Variants in MDGA1 observed in about 807,000 individuals in gnomAD.
The protein encoded by MDGA1 is MAM domain-containing glycosylphosphatidylinositol anchor protein 1.
Under a neutral mutation model 101.5 loss-of-function variants are expected in MDGA1, and 54 were observed. The observed-to-expected ratio is 0.53, with a 90% confidence interval of 0.43 to 0.67. The LOEUF is 0.67. Ranked by LOEUF, MDGA1 falls within the 30% of genes least tolerant of loss-of-function variation. MDGA1 has a pLI of 0.00. For synonymous variants in MDGA1, 533 were observed against 558.3 expected, an observed-to-expected ratio of 0.95 and a Z score of 0.64; for missense variants, 1,083 against 1,323.8, an observed-to-expected ratio of 0.82 and a Z score of 2.82.
At position 37,647,242 on chromosome 6, in the gene MDGA1, C is replaced by T. The variant is rs3734315; in HGVS notation, c.1977G>A (p.Val659=). 1.9e-4 allele frequency: 303 copies of T among 1,584,240 alleles called. 3 individuals are homozygous for T. In the East Asian group the frequency reaches 6.7e-3, roughly 35 times the overall value. The change falls in exon 10 of 17, where the codon GTG becomes GTA. Residue 659 remains valine, a synonymous_variant. Transcript: ENST00000434837. ...CGGGCTCCCTCTGAGTCCACTGCAG[C>T]ACGTAGGAGTAGTTCTTGGACAGCT... ...SHKLSKNYSY[V]LQWTQREPDA...
chr6:37,670,893 C>T (rs1275824784), intron 1 of MDGA1, among the ~76,000 whole-genome samples: 4 of 152,164 alleles, frequency 2.6e-5, no homozygotes, highest in South Asian at 2.1e-4. Context: ...GCAGCACAGC[C>T]GAGACTCAAA....
rs1052006526 is a variant in MDGA1, at chr6:37,634,072, G to C, written c.*3296C>G. 2 of 153,016 alleles carry C rather than the reference G, an allele frequency of 1.3e-5. No individual in the cohort carries two copies. Among genetic ancestry groups the C allele is most frequent in the African/African-American group, 2.4e-5 (1 of 41,456 alleles). The allele number at this position is 153,016 out of a possible 1,614,324, so 9.5% of individuals were successfully genotyped here. The stretch of plus-strand genomic sequence containing the variant: ...GGGTGGAAGGAGCATTCCAGGAGGA[G>C]GGGGCTTGGTCTTCAGGCTTCACTC... On this transcript the variant is annotated 3_prime_UTR_variant, in exon 17 of 17. Coordinates refer to ENST00000434837, the MANE Select transcript of MDGA1 (RefSeq NM_153487.4). The surrounding 1 kb of genome is among the most constrained non-coding windows in gnomAD (Gnocchi z 4.7).
At position 37,652,048 on chromosome 6, in the gene MDGA1, G is replaced by A. The variant is rs560720783; in HGVS notation, c.1275C>T (p.Pro425=). The A allele has an allele frequency of 3.0e-5, 48 of 1,609,422 alleles. No homozygotes were observed. The highest frequency in any genetic ancestry group is 1.7e-4 in the Middle Eastern group (1 of 6,056). Residue 425 remains proline, a synonymous_variant, in exon 7 of 17, where the codon CCC becomes CCT. Transcript: ENST00000434837. The surrounding 1 kb of genome is among the most constrained non-coding windows in gnomAD (Gnocchi z 4.3). ...AGATGTTGACCTCGACGCTGAGGTC[G>A]GGCACGGGTGCCCCTGGGAAAGAAG... The part of the protein sequence containing the change: ...CMASFPGAPV[P]DLSVEVNISS...
chr6:37,658,886 G>C (rs1761557236), intron 2 of MDGA1, among the ~76,000 whole-genome samples: 1 of 148,694 alleles, frequency 6.7e-6, no homozygotes. Flanking sequence ...CAGGAGAATA[G>C]CTTGAACCCG....
chr6:37,682,863 T>C (rs11752386), intron 1 of MDGA1, among the ~76,000 whole-genome samples: 21,584 of 152,260 alleles, frequency 0.14, 1,954 homozygotes, highest in Non-Finnish European at 0.2. Context: ...GTAGAAGTGC[T>C]GCTCTGAGCC....
In MDGA1 at chr6:37,631,969, C is replaced by T. The variant is rs893390179; in HGVS notation, c.*5399G>A. The T allele has an allele frequency of 1.3e-5, 2 of 152,182 alleles. No individual in the cohort carries two copies. Among genetic ancestry groups the T allele is most frequent in the Non-Finnish European group, 1.5e-5 (1 of 68,046 alleles). The allele number at this position is 152,182 out of a possible 1,614,324, so 9.4% of individuals were successfully genotyped here. A position where few individuals can be genotyped will look rare whatever the true frequency, so the allele number is the denominator to read the frequency against. On this transcript the variant is annotated 3_prime_UTR_variant, in exon 17 of 17. Coordinates refer to ENST00000434837, the MANE Select transcript of MDGA1 (RefSeq NM_153487.4). ...GGAAAATGGCATTTCAACCACCATA[C>T]CAACTTTAGTCCTCCTCCTTTGCCC...
chr6:37,693,622 G>A (rs915428913), intron 1 of MDGA1, among the ~76,000 whole-genome samples: 12 of 152,214 alleles, frequency 7.9e-5, no homozygotes, highest in Non-Finnish European at 1.2e-4. Flanking sequence ...GACAGAAGGC[G>A]GGGTGTTCCC....
At chr6:37,677,927 T>G (rs981940371) in intron 1 of MDGA1, among the ~76,000 whole-genome samples, 3 of 152,132 alleles carry the variant, frequency 2.0e-5, no homozygotes, top group Non-Finnish European at 4.4e-5. Context: ...CAGGGGGAGA[T>G]AGGGGTGCTG....
intron 8 of MDGA1, 62 bp downstream of exon 8, chr6:37,650,047 C>T (rs1761319612): frequency 5.0e-6 from 8 of 1,601,996 alleles, no homozygotes; most frequent in Non-Finnish European, 6.8e-6. Context: ...GAAGAGGGGA[C>T]AGGCCGGCTG....
chr6:37,659,953 C>T (rs1395628069), intron 2 of MDGA1, among the ~76,000 whole-genome samples: 3 of 151,910 alleles, frequency 2.0e-5, no homozygotes, highest in Non-Finnish European at 4.4e-5. Flanking sequence ...TGTTTACATA[C>T]TGCTCAAGCC....
At chr6:37,653,457 G>A (rs534071864) in intron 6 of MDGA1, among the ~76,000 whole-genome samples, 1 of 152,238 alleles carries the variant, frequency 6.6e-6, no homozygotes, top group South Asian at 2.1e-4. Flanking sequence ...AGTGGAGTTC[G>A]GCAGAAGCTG....
chr6:37,650,051 C>T, intron 8 of MDGA1, 58 bp downstream of exon 8: 1 of 1,604,460 alleles, frequency 6.2e-7, no homozygotes, highest in Non-Finnish European at 8.5e-7. Context: ...AGGGGACAGG[C>T]CGGCTGGGAG....
chr6:37,681,219 G>C (rs1405524268), intron 1 of MDGA1, among the ~76,000 whole-genome samples: 1 of 152,182 alleles, frequency 6.6e-6, no homozygotes, highest in African/African-American at 2.4e-5. Flanking sequence ...CACGATGGGG[G>C]ATATTTTCAC....
At chr6:37,679,247 A>G (rs148309719) in intron 1 of MDGA1, among the ~76,000 whole-genome samples, 14 of 151,780 alleles carry the variant, frequency 9.2e-5, no homozygotes, top group African/African-American at 3.4e-4. Context: ...GAGAAAAAAG[A>G]AGGACTCAGG....
At chr6:37,660,195 T>A in intron 2 of MDGA1, among the ~76,000 whole-genome samples, 1 of 137,266 alleles carries the variant, frequency 7.3e-6, no homozygotes, top group East Asian at 2.2e-4. Flanking sequence ...TTTTTTTTTT[T>A]GGTAGAGCTA....
Position 37,644,638 on chromosome 6 carries a change from G to A in MDGA1, c.2260C>T (p.His754Tyr), listed in dbSNP as rs768159962. ...NSPNLSDNTCHFEDEKICGYT... is the reference protein window; with the variant it reads ...NSPNLSDNTCYFEDEKICGYT... ...CCACAGATCTTCTCATCCTCAAAGTGGCAGGTGTTGTCTGCATTTTATGGG... is the reference window on the plus strand; with the variant it reads ...CCACAGATCTTCTCATCCTCAAAGTAGCAGGTGTTGTCTGCATTTTATGGG... Residue 754 changes from histidine to tyrosine, a missense_variant, in exon 13 of 17, where the codon CAC becomes TAC. Coordinates refer to ENST00000434837, the MANE Select transcript of MDGA1 (RefSeq NM_153487.4). 1.8e-5 allele frequency: 29 copies of A among 1,584,382 alleles called. No homozygotes were observed. The highest frequency in any genetic ancestry group is 2.1e-5 in the Non-Finnish European group (25 of 1,165,690).
At position 37,644,536 on chromosome 6, in the gene MDGA1, TG is replaced by T; in HGVS notation, c.2361del (p.Asn788ThrfsTer8). 6.2e-7 allele frequency: 1 copy of T among 1,603,988 alleles called. No individual in the cohort carries two copies. The highest frequency in any genetic ancestry group is 8.5e-7 in the Non-Finnish European group (1 of 1,175,232). ...CTTATGTCGGTGGGGGGACCAGTGT[TG>T]GGGGAGCGTTTGGGGTTCTGGGTGA... is the stretch of plus-strand genomic sequence containing the variant. ...NALTQNPKRS[P>X]NTGPPTDISG... On this transcript the variant is annotated frameshift_variant, in exon 13 of 17. Coordinates refer to ENST00000434837, the MANE Select transcript of MDGA1 (RefSeq NM_153487.4). LOFTEE classifies it high-confidence loss of function.
At chr6:37,683,257 C>T (rs1762132960) in intron 1 of MDGA1, among the ~76,000 whole-genome samples, 3 of 152,166 alleles carry the variant, frequency 2.0e-5, no homozygotes, top group Admixed American at 2.0e-4. Flanking sequence ...ATTCTGGCCA[C>T]AAAATCCAAG....
chr6:37,635,384 C>A lies in MDGA1; in HGVS notation c.*1984G>T. 3 of 398,094 alleles carry A rather than the reference C, an allele frequency of 7.5e-6. No individual in the cohort carries two copies. Among genetic ancestry groups the A allele is most frequent in the Non-Finnish European group, 1.3e-5 (3 of 226,128 alleles). The allele number at this position is 398,094 out of a possible 1,614,324, so 24.7% of individuals were successfully genotyped here. On this transcript the variant is annotated 3_prime_UTR_variant, in exon 17 of 17. Transcript: ENST00000434837. ...CTCACAGTCTAGTTGGGGCAATGGA[C>A]TCTGCACAGATGGGACAGTTAAGGA... is the stretch of plus-strand genomic sequence containing the variant.
Sources: gnomAD v4.1 joint callset for allele counts (sites outside exome capture counted in the v4.1 genomes callset) on GRCh38, gnomAD v4.1.1 for gene constraint, Gnocchi (gnomAD v3.1) non-coding constraint, MANE v1.5 for transcripts, NCBI Gene and HGNC (gene_info 2026-07-23, HGNC 2026-07-21) for gene names.